The following KIF9 variants were observed in gnomAD, a reference collection of about 807,000 sequenced individuals.
KIF9 encodes the protein kinesin-like protein KIF9.
Under a neutral mutation model 94.8 loss-of-function variants are expected in KIF9, and 68 were observed. The ratio of observed to expected loss-of-function variants is 0.72; its 90% CI spans 0.59 to 0.88. KIF9 has a LOEUF of 0.88. Ranked by LOEUF, KIF9 falls within the 40% of genes least tolerant of loss-of-function variation. The pLI, the probability that KIF9 is intolerant of heterozygous loss-of-function variation, is 0.00. For synonymous variants in KIF9, 343 were observed against 362.1 expected, an observed-to-expected ratio of 0.95 and a Z score of 0.60; for missense variants, 882 against 982.5, an observed-to-expected ratio of 0.90 and a Z score of 1.37.
intron 9 of KIF9, among the ~76,000 whole-genome samples, chr3:47,261,921 A>G (rs1042113009): frequency 5.3e-5 from 8 of 152,234 alleles, no homozygotes; most frequent in African/African-American, 1.9e-4. Flanking sequence ...GTCACTGCAT[A>G]AAGCAATACA....
intron 16 of KIF9, among the ~76,000 whole-genome samples, chr3:47,241,410 C>A (rs1699475032): frequency 6.6e-6 from 1 of 151,836 alleles, no homozygotes; most frequent in African/African-American, 2.4e-5. Flanking sequence ...CAACCCCCAC[C>A]TCCTAGGTTC....
In KIF9 at chr3:47,247,355, C is replaced by A; in HGVS notation, c.1233+18G>T. The A allele has an allele frequency of 6.4e-7, 1 of 1,574,020 alleles. No homozygotes were observed. The highest frequency in any genetic ancestry group is 1.1e-5 in the South Asian group (1 of 90,168). On this transcript the variant is annotated intron_variant, in intron 12 of 20. Transcript: ENST00000684063. ...GCCCAGGCTGGCTGAGCATAGTGGT[C>A]ACAGAGGGGTTCCTTACGTCGATCT...
intron 10 of KIF9, among the ~76,000 whole-genome samples, chr3:47,252,178 T>C (rs544757772): frequency 6.6e-6 from 1 of 152,352 alleles, no homozygotes; most frequent in Admixed American, 6.5e-5. Context: ...CAAGAACTCA[T>C]GTTTGTAAAG....
At chr3:47,243,755 C>T in intron 15 of KIF9, 1 of 152,596 alleles carries the variant, frequency 6.6e-6, no homozygotes, top group Non-Finnish European at 1.5e-5. Context: ...GCTGAAGTGA[C>T]AGTGCTTGGT....
At position 47,244,570 on chromosome 3, in the gene KIF9, C is replaced by T. The variant is rs1355841345; in HGVS notation, c.1514+221G>A. 8.6e-6 allele frequency: 5 copies of T among 581,796 alleles called. No individual in the cohort carries two copies. The East Asian group carries it at 1.4e-4, about 17-fold the overall frequency. 36.0% of individuals were successfully genotyped at this position (581,796 alleles called of 1,614,324 possible). The stretch of plus-strand genomic sequence containing the variant: ...TCAGTGTAATGAAGACATTAACTCC[C>T]ACCTCACCAGGTTGCTGTGAGGACG... On this transcript the variant is annotated intron_variant, in intron 15 of 20. Coordinates refer to ENST00000684063, the MANE Select transcript of KIF9 (RefSeq NM_182902.4).
chr3:47,250,391 T>C (rs1329736080), intron 10 of KIF9: 1 of 205,310 alleles, frequency 4.9e-6, no homozygotes, highest in Non-Finnish European at 1.1e-5. Flanking sequence ...CCTATTCCCA[T>C]CAGACTGCAA....
At chr3:47,249,080 C>A (rs1700106238) in intron 10 of KIF9, among the ~76,000 whole-genome samples, 2 of 151,478 alleles carry the variant, frequency 1.3e-5, no homozygotes, top group South Asian at 4.2e-4. Flanking sequence ...TCCTTTCACC[C>A]TCATCCTCAC....
rs1699695729 is a variant in KIF9, at chr3:47,243,204, C to T, written c.1556G>A (p.Gly519Glu). Residue 519 changes from glycine to glutamate, a missense_variant, in exon 16 of 21, where the codon GGG becomes GAG. Physicochemically the swap from Gly to Glu is moderately conservative, Grantham distance 98 (BLOSUM62 -2). Coordinates refer to ENST00000684063, the MANE Select transcript of KIF9 (RefSeq NM_182902.4). ...GGTGGAAACGTAATCCAAGTCCTTC[C>T]CATTCACAGGGCTGCTGGCACCTTC... ...RKEGASSPVN[G>E]KDLDYVSTSK... The T allele has an allele frequency of 1.2e-6, 2 of 1,613,078 alleles. No homozygotes were observed. Among genetic ancestry groups the T allele is most frequent in the East Asian group, 4.5e-5 (2 of 44,866 alleles).
At chr3:47,282,129 G>A in intron 1 of KIF9, 1 of 937,308 alleles carries the variant, frequency 1.1e-6, no homozygotes, top group Non-Finnish European at 1.3e-6. Context: ...TCTCTGGAGA[G>A]GTTTCCTCAC....
At chr3:47,256,596 G>T (rs1700625907) in intron 10 of KIF9, among the ~76,000 whole-genome samples, 1 of 151,894 alleles carries the variant, frequency 6.6e-6, no homozygotes. Context: ...CCCCTGCTGG[G>T]AAGTGAGGAG....
chr3:47,260,798 TGCCTGGGTGGG>T (rs978329891), intron 9 of KIF9, among the ~76,000 whole-genome samples: 2 of 152,188 alleles, frequency 1.3e-5, no homozygotes, highest in African/African-American at 4.8e-5. Flanking sequence ...CCCATCCTAG[TGCCTGGGTGGG>T]GCCTGGGAGG....
intron 10 of KIF9, 143 bp downstream of exon 10, chr3:47,257,340 G>T: frequency 1.4e-6 from 1 of 733,048 alleles, no homozygotes; most frequent in African/African-American, 1.7e-5. Flanking sequence ...ACTCTGGCCA[G>T]TCCAGGAGTG....
chr3:47,250,602 T>C, intron 10 of KIF9: 1 of 484,932 alleles, frequency 2.1e-6, no homozygotes. Flanking sequence ...CACACAATCA[T>C]CACACTCATG....
Position 47,236,618 on chromosome 3 carries a change from G to A in KIF9, c.1926C>T (p.Gly642=), listed in dbSNP as rs368047068. ...TCATCAGCCCCTTGTTTTCGTACTTGCCTGCAAGGTGATGGAAGAAGTCAG... is the reference window on the plus strand; with the variant it reads ...TCATCAGCCCCTTGTTTTCGTACTTACCTGCAAGGTGATGGAAGAAGTCAG... ...NFQKSLREKQ[G]KYENKGLMII... Residue 642 remains glycine, a splice_region_variant and synonymous_variant, in exon 18 of 21, where the codon GGC becomes GGT. Transcript: ENST00000684063. 43 of 1,613,398 alleles carry A rather than the reference G, an allele frequency of 2.7e-5. No homozygotes were observed. In the African/African-American group the frequency reaches 3.9e-4, roughly 15 times the overall value.
intron 10 of KIF9, among the ~76,000 whole-genome samples, chr3:47,252,730 G>T (rs1700351141): frequency 6.6e-6 from 1 of 152,072 alleles, no homozygotes; most frequent in Non-Finnish European, 1.5e-5. Context: ...GAAAAGATAA[G>T]AAGGCCAAGC....
chr3:47,277,629 C>A (rs2107526008), intron 1 of KIF9, among the ~76,000 whole-genome samples: 1 of 152,264 alleles, frequency 6.6e-6, no homozygotes, highest in Middle Eastern at 3.4e-3. Context: ...CCCAGAGAGA[C>A]TGAAATACAA....
At chr3:47,248,254 T>C (rs767625182) in intron 10 of KIF9, 168 bp from the exon 11 acceptor site, 46 of 620,138 alleles carry the variant, frequency 7.4e-5, no homozygotes, top group East Asian at 5.6e-4. Flanking sequence ...TCCCGACTGG[T>C]GACTCTTCCC....
chr3:47,250,687 T>C (rs1700218801), intron 10 of KIF9: 1 of 309,792 alleles, frequency 3.2e-6, no homozygotes, highest in African/African-American at 2.1e-5. Context: ...ATATACCATC[T>C]GAGTGTCTTC....
chr3:47,228,646 G>T lies in KIF9; in HGVS notation c.*6C>A. 6.2e-7 allele frequency: 1 copy of T among 1,612,642 alleles called. No homozygotes were observed. Among genetic ancestry groups the T allele is most frequent in the East Asian group, 2.2e-5 (1 of 44,872 alleles). ...TCTTGTCCTTTAAGGTACTGGCGATGAGGTTCTATTTTCTATGTGCCTGCT... is the reference window on the plus strand; with the variant it reads ...TCTTGTCCTTTAAGGTACTGGCGATTAGGTTCTATTTTCTATGTGCCTGCT... On this transcript the variant is annotated 3_prime_UTR_variant, in exon 21 of 21. Coordinates refer to ENST00000684063, the MANE Select transcript of KIF9 (RefSeq NM_182902.4).
Sources: allele counts gnomAD v4.1 joint callset (sites outside exome capture counted in the v4.1 genomes callset), GRCh38; gene constraint gnomAD v4.1.1; transcripts MANE v1.5; gene names NCBI Gene and HGNC (gene_info 2026-07-23, HGNC 2026-07-21).